The following CALN1 variants were observed in gnomAD, a reference collection of about 807,000 sequenced individuals.
CALN1 encodes calcium-binding protein 8.
In CALN1, 17 loss-of-function variants were observed where a neutral mutation model predicts 30.6. That is an observed-to-expected ratio of 0.56 (90% CI 0.38 to 0.83). The LOEUF (loss-of-function observed/expected upper bound fraction) is 0.83. Among genes scored for constraint, CALN1 ranks in the 40% least tolerant of loss-of-function variants. The pLI is 0.00. For missense variants in CALN1, 291 were observed against 354.9 expected, an observed-to-expected ratio of 0.82 and a Z score of 1.45; for synonymous variants, 156 against 131.4, an observed-to-expected ratio of 1.19 and a Z score of -1.28.
intron 2 of CALN1, among the ~76,000 whole-genome samples, chr7:72,331,868 C>G (rs1801701501): frequency 1.5e-5 from 2 of 136,336 alleles, no homozygotes; most frequent in Non-Finnish European, 1.7e-5. Flanking sequence ...CCTCCACCCT[C>G]TAACAGGCCC....
At chr7:72,031,566 ATTGTT>A (rs1801437826) in intron 4 of CALN1, among the ~76,000 whole-genome samples, 1 of 151,900 alleles carries the variant, frequency 6.6e-6, no homozygotes, top group Non-Finnish European at 1.5e-5. Flanking sequence ...CAGAATCTTA[ATTGTT>A]TTGTTTTCTG....
chr7:72,038,854 G>C (rs1438961314), intron 4 of CALN1, among the ~76,000 whole-genome samples: 1 of 152,190 alleles, frequency 6.6e-6, no homozygotes, highest in Non-Finnish European at 1.5e-5. Context: ...ATCCACCCCT[G>C]GTTTAGCGTA....
intron 3 of CALN1, among the ~76,000 whole-genome samples, chr7:72,235,038 G>A: frequency 6.6e-6 from 1 of 152,120 alleles, no homozygotes; most frequent in Non-Finnish European, 1.5e-5. Context: ...GGAGGCCAAG[G>A]TGAGAGAATC....
At chr7:72,316,159 G>GA (rs755074393) in intron 2 of CALN1, among the ~76,000 whole-genome samples, 9 of 48,782 alleles carry the variant, frequency 1.8e-4, no homozygotes, top group African/African-American at 2.9e-4. Flanking sequence ...AAAAAAGAAA[G>GA]AAAGAAAAAA....
intron 5 of CALN1, among the ~76,000 whole-genome samples, chr7:72,012,065 G>T (rs974465689): frequency 3.3e-5 from 5 of 152,106 alleles, no homozygotes; most frequent in African/African-American, 4.8e-5. Flanking sequence ...ATTTGGGAAG[G>T]TTCTATGGAA....
At chr7:71,940,961 A>G (rs1248658717) in intron 5 of CALN1, among the ~76,000 whole-genome samples, 1 of 152,164 alleles carries the variant, frequency 6.6e-6, no homozygotes, top group African/African-American at 2.4e-5. Context: ...ACTCCACTAT[A>G]TCCAGTCGAT....
At chr7:72,249,712 A>C (rs1795422674) in intron 3 of CALN1, among the ~76,000 whole-genome samples, 1 of 152,104 alleles carries the variant, frequency 6.6e-6, no homozygotes, top group African/African-American at 2.4e-5. Flanking sequence ...TGAAGCAGGC[A>C]GATCACTTGA....
chr7:72,463,440 G>A, the CALN1 span, among the ~76,000 whole-genome samples: 2 of 152,178 alleles, frequency 1.3e-5, no homozygotes, highest in South Asian at 2.1e-4. Context: ...ACCACACATG[G>A]CCTGGTTTGC....
intron 3 of CALN1, among the ~76,000 whole-genome samples, chr7:72,177,402 GTTAA>G (rs1461226116): frequency 1.3e-5 from 2 of 152,078 alleles, no homozygotes; most frequent in Admixed American, 6.5e-5. Context: ...CAGGGTTTTT[GTTAA>G]TTAATTTTTG....
At chr7:72,118,649 T>C (rs1450591387) in intron 3 of CALN1, among the ~76,000 whole-genome samples, 1 of 152,180 alleles carries the variant, frequency 6.6e-6, no homozygotes, top group Non-Finnish European at 1.5e-5. Flanking sequence ...CCAGAGATAC[T>C]GAAAGCTCCA....
chr7:72,219,275 G>C (rs1447838661), intron 3 of CALN1, among the ~76,000 whole-genome samples: 6 of 152,132 alleles, frequency 3.9e-5, no homozygotes, highest in Non-Finnish European at 8.8e-5. Flanking sequence ...CCCAAGGCTG[G>C]AGTGCAGTGG....
intron 3 of CALN1, among the ~76,000 whole-genome samples, chr7:72,255,163 G>C (rs1250549037): frequency 6.6e-6 from 1 of 151,986 alleles, no homozygotes; most frequent in African/African-American, 2.4e-5. Flanking sequence ...TCAGTTCACT[G>C]CAACCTCTGC....
chr7:71,813,930 CAAAAA>C (rs540550294), intron 5 of CALN1, among the ~76,000 whole-genome samples: 3 of 68,554 alleles, frequency 4.4e-5, no homozygotes, highest in Non-Finnish European at 6.4e-5. Context: ...GACTCTGTTG[CAAAAA>C]AAAAAAAAAA....
At chr7:71,865,602 T>C (rs1424159152) in intron 5 of CALN1, among the ~76,000 whole-genome samples, 2 of 152,256 alleles carry the variant, frequency 1.3e-5, no homozygotes, top group South Asian at 4.1e-4. Flanking sequence ...ATCTTCTCCT[T>C]CACTCATCAT....
the CALN1 span, among the ~76,000 whole-genome samples, chr7:72,491,832 C>A: frequency 6.6e-6 from 1 of 152,138 alleles, no homozygotes; most frequent in African/African-American, 2.4e-5. Context: ...AAGAACACAC[C>A]AACGGTCATT....
At chr7:71,909,511 A>C (rs1228232250) in intron 5 of CALN1, among the ~76,000 whole-genome samples, 1 of 152,166 alleles carries the variant, frequency 6.6e-6, no homozygotes, top group East Asian at 1.9e-4. Flanking sequence ...TTGGAAGCCA[A>C]TGAGCCTTGG....
chr7:72,130,548 A>T (rs987423248), intron 3 of CALN1, among the ~76,000 whole-genome samples: 3 of 152,056 alleles, frequency 2.0e-5, no homozygotes, highest in African/African-American at 7.2e-5. Flanking sequence ...AAAAGTATGG[A>T]CAAAACCGCA....
intron 1 of CALN1, among the ~76,000 whole-genome samples, chr7:72,407,905 G>A (rs1322027392): frequency 1.3e-5 from 2 of 152,022 alleles, no homozygotes; most frequent in Non-Finnish European, 2.9e-5. Context: ...ACAAACACAC[G>A]GAACCGGGGA....
At chr7:72,491,935 T>A in the CALN1 span, among the ~76,000 whole-genome samples, 1 of 152,194 alleles carries the variant, frequency 6.6e-6, no homozygotes, top group Admixed American at 6.5e-5. Context: ...AAATATTACA[T>A]AACAGATAGA....
Sources: gnomAD v4.1 joint callset for allele counts (sites outside exome capture counted in the v4.1 genomes callset) on GRCh38, gnomAD v4.1.1 for gene constraint, MANE v1.5 for transcripts, NCBI Gene and HGNC (gene_info 2026-07-23, HGNC 2026-07-21) for gene names.